Variants in GALNTL6 observed in about 807,000 individuals in gnomAD.
GALNTL6 encodes the protein polypeptide N-acetylgalactosaminyltransferase-like 6.
Under a neutral mutation model 73.7 loss-of-function variants are expected in GALNTL6, and 46 were observed. The observed-to-expected ratio is 0.62, with a 90% CI of 0.49 to 0.80. GALNTL6 has a LOEUF of 0.80. Ranked by LOEUF, GALNTL6 falls within the 30% of genes least tolerant of loss-of-function variation. The pLI, the probability that GALNTL6 is intolerant of heterozygous loss-of-function variation, is 0.00. For synonymous variants in GALNTL6, 259 were observed against 263.7 expected (o/e 0.98, Z 0.17); for missense variants, 604 against 755.0 (o/e 0.80, Z 2.34).
chr4:172,266,500 A>G (rs1178714114), intron 3 of GALNTL6, among the ~76,000 whole-genome samples: 1 of 152,142 alleles, frequency 6.6e-6, no homozygotes, highest in East Asian at 1.9e-4. Flanking sequence ...CAATATTTAT[A>G]ACTAGGTTAA....
intron 5 of GALNTL6, among the ~76,000 whole-genome samples, chr4:172,446,346 T>C (rs1203850885): frequency 6.6e-6 from 1 of 152,142 alleles, no homozygotes; most frequent in Non-Finnish European, 1.5e-5. Flanking sequence ...TGAATAATAA[T>C]TTTTAAAAAT....
In GALNTL6 at chr4:172,250,411, G is replaced by C. The variant is rs544712575; in HGVS notation, c.247+20647G>C. ...TAGAATGAGTTGACTTTGGGGGACT[G>C]TTGAAAAGGCACGATTGTGTTTTAA... On this transcript the variant is annotated intron_variant, in intron 3 of 12. Transcript: ENST00000506823. Among the ~76,000 whole-genome samples, 116 of 152,170 alleles carry C rather than the reference G, an allele frequency of 7.6e-4. 1 individual carries two copies. The highest frequency in any genetic ancestry group is 1.4e-3 in the Non-Finnish European group (96 of 68,030).
At chr4:172,636,529 G>A (rs893689226) in intron 5 of GALNTL6, among the ~76,000 whole-genome samples, 1 of 152,128 alleles carries the variant, frequency 6.6e-6, no homozygotes, top group Non-Finnish European at 1.5e-5. Context: ...GGGCAGAGAA[G>A]GCCATGTGAC....
intron 5 of GALNTL6, among the ~76,000 whole-genome samples, chr4:172,566,152 CAA>C (rs2110937136): frequency 6.6e-6 from 1 of 152,168 alleles, no homozygotes; most frequent in African/African-American, 2.4e-5. Flanking sequence ...AGAAAATCAA[CAA>C]AGAGAGAGCA....
chr4:171,879,509 G>T (rs764092371), intron 2 of GALNTL6, among the ~76,000 whole-genome samples: 3 of 151,726 alleles, frequency 2.0e-5, no homozygotes, highest in Non-Finnish European at 4.4e-5. Context: ...GTAATATATC[G>T]ATCACAATAT....
chr4:172,032,574 C>A (rs1216601659), intron 2 of GALNTL6, among the ~76,000 whole-genome samples: 3 of 151,924 alleles, frequency 2.0e-5, no homozygotes, highest in Admixed American at 2.0e-4. Flanking sequence ...TATAAACACA[C>A]CCCAAAACAA....
At chr4:172,910,622 T>C (rs542385603) in intron 8 of GALNTL6, among the ~76,000 whole-genome samples, 1 of 152,350 alleles carries the variant, frequency 6.6e-6, no homozygotes, top group East Asian at 1.9e-4. Context: ...TGTTAATATA[T>C]ATTTACATGA....
chr4:172,382,664 T>C lies in GALNTL6; in HGVS notation c.553+33975T>C, dbSNP rs141124795. ...TTTGGTGTTATGTCTAAAAAACCAT[T>C]GCTTAACAAAACGTCATGCAAAGTT... On this transcript the variant is annotated intron_variant, in intron 5 of 12. Coordinates refer to ENST00000506823, the MANE Select transcript of GALNTL6 (RefSeq NM_001034845.3). 4.5e-3 allele frequency among the ~76,000 whole-genome samples: 689 copies of C among 152,286 alleles called. 2 individuals carry two copies. Among genetic ancestry groups the C allele is most frequent in the African/African-American group, 0.011 (467 of 41,576 alleles).
chr4:171,942,114 C>T (rs979780910), intron 2 of GALNTL6, among the ~76,000 whole-genome samples: 4 of 151,678 alleles, frequency 2.6e-5, no homozygotes, highest in African/African-American at 7.3e-5. Flanking sequence ...AAATAGGCTG[C>T]GTTCGGTGGC....
intron 5 of GALNTL6, among the ~76,000 whole-genome samples, chr4:172,761,669 T>TTCTC (rs33989573): frequency 0.042 from 6,229 of 147,190 alleles, 198 homozygotes; most frequent in African/African-American, 0.092. Flanking sequence ...CTTGCTCTCT[T>TTCTC]TCTCTCTCTC....
chr4:172,076,772 T>G (rs1731713490), intron 2 of GALNTL6, among the ~76,000 whole-genome samples: 1 of 152,222 alleles, frequency 6.6e-6, no homozygotes, highest in Non-Finnish European at 1.5e-5. Flanking sequence ...CTCTGTTATT[T>G]GAGAAAATAT....
At chr4:172,658,159 A>AAAAAAAAAAG (rs1731163068) in intron 5 of GALNTL6, among the ~76,000 whole-genome samples, 1 of 119,088 alleles carries the variant, frequency 8.4e-6, no homozygotes. Context: ...CAAAAAAAAA[A>AAAAAAAAAAG]AAAAAAAAAA....
chr4:172,014,506 C>T (rs1237885131), intron 2 of GALNTL6, among the ~76,000 whole-genome samples: 2 of 151,858 alleles, frequency 1.3e-5, no homozygotes, highest in African/African-American at 4.8e-5. Context: ...ACCTGTTTGC[C>T]ATTTGTGTTT....
chr4:172,635,311 A>C (rs1306406122), intron 5 of GALNTL6, among the ~76,000 whole-genome samples: 1 of 152,142 alleles, frequency 6.6e-6, no homozygotes, highest in African/African-American at 2.4e-5. Context: ...TTTCAAATTT[A>C]ATTCAAATAA....
chr4:172,630,744 T>A (rs966813047), intron 5 of GALNTL6, among the ~76,000 whole-genome samples: 9 of 150,778 alleles, frequency 6.0e-5, no homozygotes, highest in Non-Finnish European at 1.0e-4. Context: ...ATAACGTATA[T>A]GCATTTCCAC....
intron 5 of GALNTL6, among the ~76,000 whole-genome samples, chr4:172,582,563 A>G (rs1737231394): frequency 6.6e-6 from 1 of 152,186 alleles, no homozygotes; most frequent in Non-Finnish European, 1.5e-5. Flanking sequence ...CCCTTTTATA[A>G]AGATTAAAAG....
intron 2 of GALNTL6, among the ~76,000 whole-genome samples, chr4:172,102,898 G>A (rs1017175064): frequency 2.0e-5 from 3 of 152,172 alleles, no homozygotes; most frequent in African/African-American, 4.8e-5. Context: ...AAGAGGGAGA[G>A]ATGTAGGGTT....
chr4:172,151,188 T>C (rs1579187078), intron 2 of GALNTL6, among the ~76,000 whole-genome samples: 1 of 151,984 alleles, frequency 6.6e-6, no homozygotes, highest in East Asian at 1.9e-4. Context: ...AAAAGTAAGA[T>C]CTTAGAAGGA....
intron 5 of GALNTL6, among the ~76,000 whole-genome samples, chr4:172,707,118 G>T (rs1246918784): frequency 2.0e-5 from 3 of 152,104 alleles, no homozygotes; most frequent in Admixed American, 2.0e-4. Flanking sequence ...TTTGGGGGAG[G>T]GGTGTCACAG....
Sources: allele counts gnomAD v4.1 joint callset (sites outside exome capture counted in the v4.1 genomes callset), GRCh38; gene constraint gnomAD v4.1.1; transcripts MANE v1.5; gene names NCBI Gene and HGNC (gene_info 2026-07-23, HGNC 2026-07-21).